Variants in RORB observed in about 807,000 individuals in gnomAD.
RORB encodes RAR related orphan receptor B.
RORB carries 6 observed loss-of-function variants against 59.1 expected under a neutral mutation model. The ratio of observed to expected loss-of-function variants is 0.10; its 90% CI spans 0.06 to 0.20. The LOEUF is 0.20. RORB is among the 10% of genes least tolerant of loss of function. The pLI, the probability that RORB is intolerant of heterozygous loss-of-function variation, is 1.00. For missense variants in RORB, 320 were observed against 560.5 expected, an observed-to-expected ratio of 0.57 and a Z score of 4.33; for synonymous variants, 215 against 204.5, an observed-to-expected ratio of 1.05 and a Z score of -0.44.
chr9:74,550,217 A>G (rs1013201023), intron 1 of RORB, among the ~76,000 whole-genome samples: 3 of 152,336 alleles, frequency 2.0e-5, no homozygotes, highest in Middle Eastern at 3.4e-3. Flanking sequence ...TTTTTCACTT[A>G]AAGAAGAAAA....
At chr9:74,666,529 A>G (rs990662860) in intron 7 of RORB, among the ~76,000 whole-genome samples, 18 of 151,940 alleles carry the variant, frequency 1.2e-4, no homozygotes, top group African/African-American at 4.3e-4. Context: ...GCTGGGCTGA[A>G]TTATAGATCA....
At position 74,642,909 on chromosome 9, in the gene RORB, A is replaced by G. The variant is rs1215993358; in HGVS notation, c.637+94A>G. On this transcript the variant is annotated intron_variant, in intron 4 of 9. Coordinates refer to ENST00000376896, the MANE Select transcript of RORB (RefSeq NM_006914.4). ...GTATGGTAATTTTCTTAAGACTTAA[A>G]TTGAATTACTTGGATTCACAGCTTC... 1.2e-5 allele frequency: 11 copies of G among 889,862 alleles called. No homozygotes were observed. The Admixed American group carries it at 2.6e-4, about 21-fold the overall frequency. The allele number at this position is 889,862 out of a possible 1,614,324, so 55.1% of individuals were successfully genotyped here.
At chr9:74,569,438 T>C (rs905460357) in intron 1 of RORB, among the ~76,000 whole-genome samples, 4 of 152,132 alleles carry the variant, frequency 2.6e-5, no homozygotes, top group Admixed American at 2.0e-4. Context: ...TGAAAGTTCA[T>C]TATGATGACA....
chr9:74,619,238 A>G (rs1284074474), intron 1 of RORB, among the ~76,000 whole-genome samples: 1 of 152,156 alleles, frequency 6.6e-6, no homozygotes, highest in Non-Finnish European at 1.5e-5. Flanking sequence ...ACTTTCCAAG[A>G]CCTGGCTCAA....
At chr9:74,532,071 A>G (rs970511886) in intron 1 of RORB, among the ~76,000 whole-genome samples, 25 of 151,992 alleles carry the variant, frequency 1.6e-4, no homozygotes, top group African/African-American at 6.0e-4. Context: ...CTGTGGAATC[A>G]TTTGCAATCA....
intron 1 of RORB, among the ~76,000 whole-genome samples, chr9:74,533,154 C>T (rs1826273203): frequency 1.3e-5 from 2 of 151,878 alleles, no homozygotes; most frequent in Admixed American, 6.6e-5. Flanking sequence ...CTCTGCTCCA[C>T]ACAAACATTG....
rs1824656099 is a variant in RORB, at chr9:74,686,891, C to A, written c.*1273C>A. On this transcript the variant is annotated 3_prime_UTR_variant, in exon 10 of 10. Coordinates refer to ENST00000376896, the MANE Select transcript of RORB (RefSeq NM_006914.4). ...CTTGACAGACTAGAAAAAAAAAGAT[C>A]TGTGTTATTCTAGGGAACTAATGTA... 1 of 152,214 alleles carries A rather than the reference C, an allele frequency of 6.6e-6. No individual in the cohort carries two copies. Among genetic ancestry groups the A allele is most frequent in the African/African-American group, 2.4e-5 (1 of 41,400 alleles). 9.4% of individuals were successfully genotyped at this position (152,214 alleles called of 1,614,324 possible).
At chr9:74,543,866 A>C (rs1418960135) in intron 1 of RORB, among the ~76,000 whole-genome samples, 2 of 152,186 alleles carry the variant, frequency 1.3e-5, no homozygotes, top group East Asian at 3.8e-4. Context: ...ACACAGTCTC[A>C]GCTAAATGCA....
intron 4 of RORB, among the ~76,000 whole-genome samples, chr9:74,649,113 C>A (rs1823950032): frequency 6.6e-6 from 1 of 151,868 alleles, no homozygotes; most frequent in African/African-American, 2.4e-5. Context: ...ACAGGCCTGG[C>A]TAACTTTTGT....
chr9:74,632,238 T>C (rs1005231838), intron 2 of RORB, among the ~76,000 whole-genome samples: 3 of 152,206 alleles, frequency 2.0e-5, no homozygotes, highest in African/African-American at 7.2e-5. Context: ...TCATCTTTTC[T>C]ATTTAAAGGA....
At chr9:74,594,397 A>G (rs1822943161) in intron 1 of RORB, among the ~76,000 whole-genome samples, 2 of 152,172 alleles carry the variant, frequency 1.3e-5, no homozygotes, top group African/African-American at 4.8e-5. Context: ...GAAGCTCCAA[A>G]CAAAAGACCC....
At chr9:74,527,235 T>C (rs976726164) in intron 1 of RORB, among the ~76,000 whole-genome samples, 4 of 151,858 alleles carry the variant, frequency 2.6e-5, no homozygotes, top group Non-Finnish European at 2.9e-5. Context: ...ATGTGAGGAG[T>C]AGGTTTAGTT....
intron 8 of RORB, among the ~76,000 whole-genome samples, chr9:74,670,076 T>A (rs1237283169): frequency 6.6e-6 from 1 of 152,194 alleles, no homozygotes; most frequent in Non-Finnish European, 1.5e-5. Context: ...TAGGCCTTTT[T>A]TTTTTTAAAC....
intron 1 of RORB, among the ~76,000 whole-genome samples, chr9:74,549,141 C>T (rs1309748856): frequency 6.6e-6 from 1 of 152,124 alleles, no homozygotes; most frequent in Non-Finnish European, 1.5e-5. Flanking sequence ...TATTCTCAGC[C>T]ACATTGTTTA....
At chr9:74,563,293 C>A (rs1444027266) in intron 1 of RORB, among the ~76,000 whole-genome samples, 1 of 149,094 alleles carries the variant, frequency 6.7e-6, no homozygotes, top group Non-Finnish European at 1.5e-5. Context: ...TCAAGCGATT[C>A]TTCTGCCTCA....
intron 4 of RORB, among the ~76,000 whole-genome samples, chr9:74,646,475 T>A (rs1351021145): frequency 2.6e-5 from 4 of 152,148 alleles, no homozygotes; most frequent in African/African-American, 9.7e-5. Context: ...CCAACGAAAC[T>A]ACAAAATTCC....
chr9:74,678,130 A>G (rs1205348799), intron 9 of RORB, among the ~76,000 whole-genome samples: 1 of 152,214 alleles, frequency 6.6e-6, no homozygotes, highest in Non-Finnish European at 1.5e-5. Flanking sequence ...TTAATTCTCA[A>G]AACTATACTC....
At chr9:74,669,015 A>T (rs1824309566) in intron 8 of RORB, among the ~76,000 whole-genome samples, 1 of 152,028 alleles carries the variant, frequency 6.6e-6, no homozygotes, top group African/African-American at 2.4e-5. Context: ...TAAACATTTG[A>T]CCCCTCAGAG....
rs118146402 is a variant in RORB at position 74,514,743 on chromosome 9, G to A, written c.7+16760G>A. 7.2e-3 allele frequency among the ~76,000 whole-genome samples: 1,086 copies of A among 150,454 alleles called. 8 individuals are homozygous for A. The highest frequency in any genetic ancestry group is 0.016 in the Admixed American group (240 of 15,034). On this transcript the variant is annotated intron_variant, in intron 1 of 9. Transcript: ENST00000376896. ...GAATAAGACAATTGTAAACCTCATC[G>A]AACTTAGATATTGGCCAAGGAGCCC... is the stretch of plus-strand genomic sequence containing the variant.
Sources: allele counts gnomAD v4.1 joint callset (sites outside exome capture counted in the v4.1 genomes callset), GRCh38; gene constraint gnomAD v4.1.1; transcripts MANE v1.5; gene names NCBI Gene and HGNC (gene_info 2026-07-23, HGNC 2026-07-21).